SAMSN1: variants seen among roughly 807,000 people sequenced by gnomAD.
SAMSN1 encodes the protein SAM domain-containing protein SAMSN-1.
Under a neutral mutation model 42.0 loss-of-function variants are expected in SAMSN1, and 31 were observed. The ratio of observed to expected loss-of-function variants is 0.74; its 90% CI spans 0.55 to 1.00. The LOEUF is 1.00. SAMSN1 is among the 50% of genes least tolerant of loss of function. The pLI, the probability that SAMSN1 is intolerant of heterozygous loss-of-function variation, is 0.00. For synonymous variants in SAMSN1, 178 were observed against 151.9 expected, an observed-to-expected ratio of 1.17 and a Z score of -1.26; for missense variants, 464 against 439.4, an observed-to-expected ratio of 1.06 and a Z score of -0.50.
intron 1 of SAMSN1, among the ~76,000 whole-genome samples, chr21:14,535,198 C>T (rs74763913): frequency 6.6e-6 from 1 of 152,104 alleles, no homozygotes; most frequent in Non-Finnish European, 1.5e-5. Context: ...CAAAAGTAAT[C>T]ATGATTTTTG....
chr21:14,576,913 C>T (rs1229050244), intron 2 of SAMSN1, among the ~76,000 whole-genome samples: 1 of 151,908 alleles, frequency 6.6e-6, no homozygotes, highest in Non-Finnish European at 1.5e-5. Context: ...GACTTTGCCT[C>T]TTCCTGAAAG....
At chr21:14,596,623 A>T (rs1429759456) in intron 6 of SAMSN1, among the ~76,000 whole-genome samples, 1 of 152,064 alleles carries the variant, frequency 6.6e-6, no homozygotes, top group African/African-American at 2.4e-5. Context: ...TTAGATACTC[A>T]CTCTGGGGAA....
In SAMSN1 at chr21:14,517,065, G is replaced by C. The variant is rs779140160; in HGVS notation, c.130-24C>G. ...GCCTAGTTTAGAATTGTTTACAAAA[G>C]ACAAAATAATAAAGCAATAAAAAAC... On this transcript the variant is annotated intron_variant, in intron 2 of 7. Transcript: ENST00000400566. 4 of 1,578,092 alleles carry C rather than the reference G, an allele frequency of 2.5e-6. No individual in the cohort carries two copies. In the South Asian group the frequency reaches 4.7e-5, roughly 18 times the overall value.
chr21:14,638,391 C>G (rs1983516769), intron 2 of SAMSN1, among the ~76,000 whole-genome samples: 1 of 152,134 alleles, frequency 6.6e-6, no homozygotes, highest in South Asian at 2.1e-4. Flanking sequence ...GGACTAGTCA[C>G]TTTTCAAGTA....
At chr21:14,632,981 T>C (rs1313773527) in intron 2 of SAMSN1, among the ~76,000 whole-genome samples, 1 of 152,218 alleles carries the variant, frequency 6.6e-6, no homozygotes, top group African/African-American at 2.4e-5. Context: ...TGCTAGCCCG[T>C]CTTTTGTACC....
chr21:14,624,439 G>T (rs577689429), intron 2 of SAMSN1, among the ~76,000 whole-genome samples: 1 of 152,232 alleles, frequency 6.6e-6, no homozygotes, highest in East Asian at 1.9e-4. Context: ...AAATGATAAA[G>T]GGGATATCAT....
intron 1 of SAMSN1, among the ~76,000 whole-genome samples, chr21:14,644,315 C>G (rs1025178081): frequency 6.6e-6 from 1 of 150,898 alleles, no homozygotes; most frequent in African/African-American, 2.4e-5. Flanking sequence ...TGTCTTGCAT[C>G]GAGGGTACCA....
At chr21:14,609,461 T>C in intron 5 of SAMSN1, 1 of 717,626 alleles carries the variant, frequency 1.4e-6, no homozygotes, top group Non-Finnish European at 2.6e-6. Context: ...CAAAGTCAGC[T>C]GAACTAAATT....
intron 1 of SAMSN1, among the ~76,000 whole-genome samples, chr21:14,532,887 A>C (rs1979356343): frequency 6.6e-6 from 1 of 151,742 alleles, no homozygotes; most frequent in South Asian, 2.1e-4. Context: ...CATATTTAAT[A>C]TTTTATTACT....
chr21:14,632,809 T>C (rs462450), intron 2 of SAMSN1, among the ~76,000 whole-genome samples: 102,262 of 152,028 alleles, frequency 0.67, 35,268 homozygotes, highest in Middle Eastern at 0.78. Context: ...ACTCAGTGAT[T>C]GTTGGCAGCA....
At chr21:14,569,618 A>C (rs979259089) in intron 2 of SAMSN1, among the ~76,000 whole-genome samples, 3 of 151,836 alleles carry the variant, frequency 2.0e-5, no homozygotes, top group Non-Finnish European at 4.4e-5. Flanking sequence ...TAAAGCTTTG[A>C]AAGTTATTGA....
intron 2 of SAMSN1, among the ~76,000 whole-genome samples, chr21:14,636,290 C>A (rs1983465582): frequency 6.6e-6 from 1 of 151,982 alleles, no homozygotes; most frequent in African/African-American, 2.4e-5. Flanking sequence ...ACCATCGTTC[C>A]CTCTTCCTCA....
intron 2 of SAMSN1, among the ~76,000 whole-genome samples, chr21:14,555,183 C>A (rs1980724184): frequency 6.6e-6 from 1 of 152,202 alleles, no homozygotes; most frequent in Admixed American, 6.5e-5. Flanking sequence ...TGACTCATTT[C>A]ATTGCAGCCT....
chr21:14,635,844 T>C (rs1010898832), intron 2 of SAMSN1, among the ~76,000 whole-genome samples: 4 of 152,070 alleles, frequency 2.6e-5, no homozygotes, highest in African/African-American at 9.7e-5. Context: ...ATTATTATTA[T>C]ACTTCAAGTT....
chr21:14,605,759 CT>C (rs1314247865), intron 5 of SAMSN1, among the ~76,000 whole-genome samples: 2 of 151,920 alleles, frequency 1.3e-5, no homozygotes, highest in African/African-American at 4.8e-5. Context: ...TTCTTTCCCA[CT>C]GGGTTCCTCC....
At chr21:14,582,518 A>G (rs1438882411) in intron 1 of SAMSN1, 1 of 788,782 alleles carries the variant, frequency 1.3e-6, no homozygotes, top group Non-Finnish European at 2.0e-6. Context: ...GTTAAAAACT[A>G]TGATTATAAT....
chr21:14,620,201 T>A (rs1220105589), intron 2 of SAMSN1, among the ~76,000 whole-genome samples: 3 of 152,206 alleles, frequency 2.0e-5, no homozygotes, highest in Non-Finnish European at 4.4e-5. Context: ...ATGATATGGT[T>A]AGGCTTTGTG....
intron 2 of SAMSN1, among the ~76,000 whole-genome samples, chr21:14,631,681 T>C (rs774357868): frequency 2.6e-5 from 4 of 152,210 alleles, no homozygotes; most frequent in Non-Finnish European, 1.5e-5. Flanking sequence ...GGGATTTTTA[T>C]AATGTTTGTT....
At chr21:14,504,919 G>T (rs558921043) in intron 5 of SAMSN1, among the ~76,000 whole-genome samples, 2 of 152,178 alleles carry the variant, frequency 1.3e-5, no homozygotes, top group Non-Finnish European at 2.9e-5. Context: ...AACCCAACAC[G>T]CTAGAAGGGA....
Sources: gnomAD v4.1 joint callset for allele counts (sites outside exome capture counted in the v4.1 genomes callset) on GRCh38, gnomAD v4.1.1 for gene constraint, MANE v1.5 for transcripts, NCBI Gene and HGNC (gene_info 2026-07-23, HGNC 2026-07-21) for gene names.